CC2D2B: variants seen among roughly 807,000 people sequenced by gnomAD.
The protein encoded by CC2D2B is coiled-coil and C2 domain containing 2B.
Under a neutral mutation model 161.2 loss-of-function variants are expected in CC2D2B, and 128 were observed. The ratio of observed to expected loss-of-function variants is 0.79; its 90% CI spans 0.69 to 0.92. The LOEUF is 0.92. Ranked by LOEUF, CC2D2B falls within the 40% of genes least tolerant of loss-of-function variation. The pLI, the probability that CC2D2B is intolerant of heterozygous loss-of-function variation, is 0.00. For missense variants in CC2D2B, 1,173 were observed against 1,375.1 expected (o/e 0.85, Z 2.32); for synonymous variants, 391 against 449.8 (o/e 0.87, Z 1.65).
chr10:96,017,388 G>C (rs1334692027), intron 30 of CC2D2B, among the ~76,000 whole-genome samples: 1 of 152,168 alleles, frequency 6.6e-6, no homozygotes, highest in African/African-American at 2.4e-5. Flanking sequence ...GTAGTTGTAA[G>C]TGCCACTAGA....
intron 34 of CC2D2B, among the ~76,000 whole-genome samples, chr10:96,029,304 A>G (rs1235601746): frequency 8.6e-6 from 1 of 116,472 alleles, no homozygotes; most frequent in Admixed American, 9.4e-5. Context: ...ATATATATAT[A>G]TGTATATCTA....
At chr10:95,981,909 T>C (rs1277884945) in intron 17 of CC2D2B, 66 bp from the exon 18 acceptor site, 7 of 808,358 alleles carry the variant, frequency 8.7e-6, no homozygotes, top group Non-Finnish European at 1.2e-5. Flanking sequence ...TATATAACAG[T>C]GTATTATATA....
chr10:96,011,187 T>C lies in CC2D2B; in HGVS notation c.3046-998T>C, dbSNP rs539600397. The stretch of plus-strand genomic sequence containing the variant: ...GGTGCCTGCACAATGTGCAATCACA[T>C]GAAGTCATGATGGCACGTGTTGCAA... On this transcript the variant is annotated intron_variant, in intron 26 of 34. Transcript: ENST00000646931. Among the ~76,000 whole-genome samples, 3 of 152,360 alleles carry C rather than the reference T, an allele frequency of 2.0e-5. No homozygotes were observed. In the East Asian group the frequency reaches 5.8e-4, roughly 29 times the overall value.
chr10:95,940,510 AG>A (rs1352024901), intron 9 of CC2D2B, among the ~76,000 whole-genome samples: 2 of 152,170 alleles, frequency 1.3e-5, no homozygotes, highest in Admixed American at 6.5e-5. Context: ...TATTCTAAAA[AG>A]TTTATTGTTG....
intron 17 of CC2D2B, among the ~76,000 whole-genome samples, chr10:95,976,226 G>A (rs1218402207): frequency 6.6e-6 from 1 of 152,044 alleles, no homozygotes; most frequent in East Asian, 1.9e-4. Flanking sequence ...TCCTATGTGT[G>A]GCCTACTGGT....
intron 2 of CC2D2B, chr10:95,920,044 C>T (rs2098523817): frequency 6.6e-6 from 1 of 150,832 alleles, no homozygotes; most frequent in Non-Finnish European, 1.5e-5. Flanking sequence ...AAGCCTGGTT[C>T]TCTCCCGCCA....
At chr10:95,924,245 T>C in intron 3 of CC2D2B, 69 bp from the exon 4 acceptor site, 1 of 774,510 alleles carries the variant, frequency 1.3e-6, no homozygotes, top group East Asian at 3.1e-5. Flanking sequence ...TAATAAATAC[T>C]TTTGCTGCTA....
intron 2 of CC2D2B, among the ~76,000 whole-genome samples, chr10:95,912,375 A>G (rs1376717515): frequency 6.6e-6 from 1 of 152,210 alleles, no homozygotes; most frequent in Non-Finnish European, 1.5e-5. Flanking sequence ...ACAACATTCA[A>G]CTAGAATTAC....
intron 17 of CC2D2B, among the ~76,000 whole-genome samples, chr10:95,979,146 G>T (rs2077419657): frequency 6.7e-6 from 1 of 148,610 alleles, no homozygotes; most frequent in South Asian, 2.1e-4. Context: ...GGGTGATTTT[G>T]ATTTATACGT....
rs2080095400 is a variant in CC2D2B at position 96,032,405 on chromosome 10, C to T, written c.*397C>T. ...TTGAAAATGCAGATTACTAGATCCT[C>T]CTCAAGACCCACTGAATCAGCACCT... On this transcript the variant is annotated 3_prime_UTR_variant, in exon 35 of 35. Coordinates refer to ENST00000646931, the MANE Select transcript of CC2D2B (RefSeq NM_001349008.3). 4 of 207,124 alleles carry T rather than the reference C, an allele frequency of 1.9e-5. No homozygotes were observed. The South Asian group carries it at 3.7e-4, about 19-fold the overall frequency. 12.8% of individuals were successfully genotyped at this position (207,124 alleles called of 1,614,324 possible). A position where few individuals can be genotyped will look rare whatever the true frequency, so the allele number is the denominator to read the frequency against.
chr10:95,959,411 T>A (rs1453517219), intron 11 of CC2D2B, among the ~76,000 whole-genome samples: 1 of 152,144 alleles, frequency 6.6e-6, no homozygotes, highest in African/African-American at 2.4e-5. Context: ...GTGATTCTGA[T>A]GCACAAAAAA....
chr10:95,947,096 TATATATATATATATA>T (rs1172643621), intron 9 of CC2D2B, among the ~76,000 whole-genome samples: 2 of 31,872 alleles, frequency 6.3e-5, no homozygotes, highest in African/African-American at 4.0e-4. Context: ...TATATATATA[TATATATATATATATA>T]TATTTTTTTT....
chr10:95,917,287 A>G (rs1044630911), intron 2 of CC2D2B, among the ~76,000 whole-genome samples: 1 of 151,478 alleles, frequency 6.6e-6, no homozygotes, highest in Admixed American at 6.6e-5. Flanking sequence ...TGTGTTTCTT[A>G]TGGGTCATTG....
At chr10:95,952,214 T>G (rs1269475128) in intron 10 of CC2D2B, 1 of 152,240 alleles carries the variant, frequency 6.6e-6, no homozygotes, top group Non-Finnish European at 1.5e-5. Flanking sequence ...AATATGCTCC[T>G]TTATATGAGT....
chr10:95,959,369 G>C (rs751809393), intron 11 of CC2D2B, among the ~76,000 whole-genome samples: 6 of 152,146 alleles, frequency 3.9e-5, no homozygotes, highest in Non-Finnish European at 8.8e-5. Context: ...TACAGGTAGG[G>C]CCTGGTAATC....
chr10:95,947,704 T>C lies in CC2D2B; in HGVS notation c.802-2192T>C, dbSNP rs372748500. On this transcript the variant is annotated intron_variant, in intron 9 of 34. Transcript: ENST00000646931. ...TTGCAGTGAGCTGAGATCACGCTAC[T>C]GCACACTGCATTCCAGCCTGGTGAC... Among the ~76,000 whole-genome samples the C allele has an allele frequency of 1.3e-4, 19 of 151,924 alleles. No individual in the cohort carries two copies. In the South Asian group the frequency reaches 3.7e-3, roughly 30 times the overall value.
intron 3 of CC2D2B, among the ~76,000 whole-genome samples, chr10:95,923,208 C>T (rs1374456450): frequency 6.6e-6 from 1 of 152,092 alleles, no homozygotes; most frequent in East Asian, 1.9e-4. Context: ...TCCCAAAGTG[C>T]TGGGATTACA....
In CC2D2B at chr10:96,032,050, T is replaced by C. The variant is rs745803805; in HGVS notation, c.*42T>C. 21 of 1,476,454 alleles carry C rather than the reference T, an allele frequency of 1.4e-5. No homozygotes were observed. The highest frequency in any genetic ancestry group is 2.4e-5 in the South Asian group (2 of 82,898). 91.5% of individuals were successfully genotyped at this position (1,476,454 alleles called of 1,614,324 possible). ...AGTAAAAGATTGTACTATAGTCCTC[T>C]AGTACCAACAAAAACTTTTCTGGTA... is the stretch of plus-strand genomic sequence containing the variant. On this transcript the variant is annotated 3_prime_UTR_variant, in exon 35 of 35. Transcript: ENST00000646931.
intron 9 of CC2D2B, among the ~76,000 whole-genome samples, chr10:95,939,498 TA>T (rs2075948745): frequency 6.6e-6 from 1 of 151,794 alleles, no homozygotes; most frequent in Non-Finnish European, 1.5e-5. Context: ...TGTTGGTAAA[TA>T]TCTCAGAGTA....
Sources: allele counts gnomAD v4.1 joint callset (sites outside exome capture counted in the v4.1 genomes callset), GRCh38; gene constraint gnomAD v4.1.1; transcripts MANE v1.5; gene names NCBI Gene and HGNC (gene_info 2026-07-23, HGNC 2026-07-21).